Variants in SIPA1L3 observed in about 807,000 individuals in gnomAD.
The protein encoded by SIPA1L3 is signal induced proliferation associated 1 like 3.
Under a neutral mutation model 150.1 loss-of-function variants are expected in SIPA1L3, and 59 were observed. The observed-to-expected ratio is 0.39, with a 90% confidence interval of 0.32 to 0.49. The LOEUF is 0.49. Ranked by LOEUF, SIPA1L3 falls within the 20% of genes least tolerant of loss-of-function variation. SIPA1L3 has a pLI of 0.86. For synonymous variants in SIPA1L3, 1,070 were observed against 1,077.6 expected, an observed-to-expected ratio of 0.99 and a Z score of 0.14; for missense variants, 2,211 against 2,489.5, an observed-to-expected ratio of 0.89 and a Z score of 2.38.
chr19:38,188,992 C>T (rs1466974721), intron 16 of SIPA1L3, among the ~76,000 whole-genome samples: 4 of 152,072 alleles, frequency 2.6e-5, no homozygotes, highest in African/African-American at 9.7e-5. Context: ...CCAAAAGCAG[C>T]CATTGTTTCA....
intron 2 of SIPA1L3, among the ~76,000 whole-genome samples, chr19:38,075,338 C>T (rs948673760): frequency 7.2e-5 from 11 of 152,156 alleles, no homozygotes; most frequent in African/African-American, 2.7e-4. Flanking sequence ...TGCCTGTAAT[C>T]CCAGCTACTC....
chr19:38,142,478 CGTCTGTCCATCCATCTGTCT>C, intron 11 of SIPA1L3, 75 bp from the exon 12 acceptor site: 3 of 1,380,364 alleles, frequency 2.2e-6, no homozygotes, highest in Non-Finnish European at 2.9e-6. Context: ...TCTGTCTGTC[CGTCTGTCCATCCATCTGTCT>C]GTCCGTCCAT....
At chr19:37,989,517 A>T (rs1411497643) in intron 1 of SIPA1L3, among the ~76,000 whole-genome samples, 1 of 152,164 alleles carries the variant, frequency 6.6e-6, no homozygotes, top group Non-Finnish European at 1.5e-5. Flanking sequence ...ATCTCAGTGT[A>T]CCACTGCACC....
chr19:38,109,859 T>G, intron 7 of SIPA1L3: 1 of 197,508 alleles, frequency 5.1e-6, no homozygotes. Context: ...GATCAGGGAG[T>G]GTTGTGGTGG....
intron 2 of SIPA1L3, among the ~76,000 whole-genome samples, chr19:38,039,995 C>T (rs1335692753): frequency 2.6e-5 from 4 of 152,018 alleles, no homozygotes; most frequent in East Asian, 1.9e-4. Context: ...TGCCTGTGGT[C>T]GCAGCTACTT....
chr19:37,941,741 C>T (rs940383748), intron 1 of SIPA1L3, among the ~76,000 whole-genome samples: 1 of 152,180 alleles, frequency 6.6e-6, no homozygotes, highest in African/African-American at 2.4e-5. Flanking sequence ...TTGGTGAGTT[C>T]CTGCTCTACG....
chr19:37,996,633 A>G (rs186781532), intron 1 of SIPA1L3, among the ~76,000 whole-genome samples: 9 of 152,138 alleles, frequency 5.9e-5, no homozygotes, highest in East Asian at 1.9e-4. Context: ...CTCTTGTCCA[A>G]CTGAAGCTTT....
intron 1 of SIPA1L3, among the ~76,000 whole-genome samples, chr19:37,944,720 G>A (rs2046694197): frequency 6.6e-6 from 1 of 152,112 alleles, no homozygotes; most frequent in Non-Finnish European, 1.5e-5. Context: ...GGAGGCTGAG[G>A]CGGGCAGATC....
In SIPA1L3 at chr19:38,142,320, G is replaced by T. The variant is rs111930576; in HGVS notation, c.3396-253G>T. ...GTCTTGAGCAGCCTGCAGAAGCTGTGAGTTGCGGGCAGCCGCAGTGGATCC... is the reference window on the plus strand; with the variant it reads ...GTCTTGAGCAGCCTGCAGAAGCTGTTAGTTGCGGGCAGCCGCAGTGGATCC... On this transcript the variant is annotated intron_variant, in intron 11 of 21. Coordinates refer to ENST00000222345, the MANE Select transcript of SIPA1L3 (RefSeq NM_015073.3). 0.015 allele frequency among the ~76,000 whole-genome samples: 2,337 copies of T among 152,364 alleles called. 38 individuals are homozygous for T. The highest frequency in any genetic ancestry group is 0.061 in the Middle Eastern group (18 of 294).
rs577139627 is a variant in SIPA1L3, at chr19:38,130,689, C to A, written c.3060C>A (p.His1020Gln). The change falls in exon 10 of 22, where the codon CAC (histidine) becomes CAA (glutamine). Residue 1020 changes from histidine to glutamine, a missense_variant. His to Gln is a conservative substitution (Grantham distance 24, BLOSUM62 0). Around this residue, in one of 5 missense-constraint regions of SIPA1L3, gnomAD observed 625 missense variants for 804.2 expected, o/e 0.78. Coordinates refer to ENST00000222345, the MANE Select transcript of SIPA1L3 (RefSeq NM_015073.3). The part of the protein sequence containing the change: ...ICKVAVVTLT[H>Q]DQMIDLLRTS... ...AGGTGGCCGTGGTCACACTGACCCA[C>A]GACCAGATGATCGACCTGCTGCGCA... is the stretch of plus-strand genomic sequence containing the variant. The A allele has an allele frequency of 2.2e-5, 36 of 1,613,962 alleles. No homozygotes were observed. In the East Asian group the frequency reaches 7.8e-4, roughly 35 times the overall value.
chr19:38,084,397 C>T (rs990181706), intron 3 of SIPA1L3, among the ~76,000 whole-genome samples: 8 of 152,056 alleles, frequency 5.3e-5, no homozygotes, highest in Non-Finnish European at 1.0e-4. Context: ...CAAAAAATTG[C>T]AGCCTCCGGC....
intron 2 of SIPA1L3, among the ~76,000 whole-genome samples, chr19:38,077,635 G>C (rs970905812): frequency 2.1e-5 from 2 of 97,370 alleles, no homozygotes; most frequent in East Asian, 3.3e-4. Flanking sequence ...TGTTTCTGTT[G>C]TTTTTTCTTT....
In SIPA1L3 at chr19:38,164,261, T is replaced by C. The variant is rs1405167511; in HGVS notation, c.3781-218T>C. The stretch of plus-strand genomic sequence containing the variant: ...TCATTTGTTCCTCTGAGCAGCCCCA[T>C]GAGGCAGGCTTACTATCACCCTCCA... On this transcript the variant is annotated intron_variant, in intron 14 of 21. Transcript: ENST00000222345. This position sits in a 1 kb window ranked among gnomAD's most constrained non-coding sequence, Gnocchi z 4.1. Among the ~76,000 whole-genome samples the C allele has an allele frequency of 1.3e-5, 2 of 152,118 alleles. No individual in the cohort carries two copies. Among genetic ancestry groups the C allele is most frequent in the Non-Finnish European group, 2.9e-5 (2 of 68,018 alleles).
rs903817357 is a variant in SIPA1L3, at chr19:38,191,426, A to AAC, written c.4431-707_4431-706dup. On this transcript the variant is annotated intron_variant, in intron 16 of 21. Coordinates refer to ENST00000222345, the MANE Select transcript of SIPA1L3 (RefSeq NM_015073.3). The stretch of plus-strand genomic sequence containing the variant: ...AAAAAAAAAAAACCAAAAAGCAAAA[A>AAC]ACACACACACACAAATGACTACATA... Among the ~76,000 whole-genome samples the AAC allele has an allele frequency of 7.3e-5, 11 of 151,508 alleles. No individual in the cohort carries two copies. In the South Asian group the frequency reaches 1.3e-3, roughly 17 times the overall value.
intron 2 of SIPA1L3, among the ~76,000 whole-genome samples, chr19:38,057,720 C>T (rs916303291): frequency 6.6e-5 from 10 of 152,004 alleles, no homozygotes; most frequent in East Asian, 3.9e-4. Context: ...AATCTTGGCT[C>T]ACTGCAAGCT....
intron 2 of SIPA1L3, among the ~76,000 whole-genome samples, chr19:38,054,598 A>C (rs7256626): frequency 0.4 from 61,400 of 151,950 alleles, 13,971 homozygotes; most frequent in African/African-American, 0.62. Flanking sequence ...CTCCATCTCA[A>C]AAAAAAAGGA....
rs1364130513 is a variant in SIPA1L3, at chr19:38,029,161, G to C, written c.-311+5G>C. Reference sequence around the variant, plus strand: ...AGTGTCTAGAAGGCACTAAGGGTGAGTAAGGCGTGGCTGCTGGTTTGCTTA... The same window carrying C: ...AGTGTCTAGAAGGCACTAAGGGTGACTAAGGCGTGGCTGCTGGTTTGCTTA... On this transcript the variant is annotated splice_donor_5th_base_variant and intron_variant, in intron 2 of 21. Coordinates refer to ENST00000222345, the MANE Select transcript of SIPA1L3 (RefSeq NM_015073.3). 1 of 152,150 alleles carries C rather than the reference G, an allele frequency of 6.6e-6. No homozygotes were observed. The highest frequency in any genetic ancestry group is 1.5e-5 in the Non-Finnish European group (1 of 68,034). 9.4% of individuals were successfully genotyped at this position (152,150 alleles called of 1,614,324 possible).
chr19:37,968,342 G>A (rs771876952), intron 1 of SIPA1L3, among the ~76,000 whole-genome samples: 8 of 152,090 alleles, frequency 5.3e-5, no homozygotes, highest in Non-Finnish European at 1.2e-4. Flanking sequence ...AAAGTGCTGG[G>A]ATTACAGGCA....
chr19:38,009,171 A>T (rs1049534768), intron 1 of SIPA1L3, among the ~76,000 whole-genome samples: 3 of 151,778 alleles, frequency 2.0e-5, no homozygotes, highest in African/African-American at 7.3e-5. Flanking sequence ...AGTAGCTGGG[A>T]TTACAGGTGC....
Sources: allele counts gnomAD v4.1 joint callset (sites outside exome capture counted in the v4.1 genomes callset), GRCh38; gene constraint gnomAD v4.1.1; regional missense constraint gnomAD v4.1.1; non-coding constraint Gnocchi (gnomAD v3.1); transcripts MANE v1.5; gene names NCBI Gene and HGNC (gene_info 2026-07-23, HGNC 2026-07-21).